The following KMO variants were observed in gnomAD, a reference collection of about 807,000 sequenced individuals.
KMO encodes the protein kynurenine 3-hydroxylase.
A neutral mutation model predicts 57.8 loss-of-function variants in KMO; 24 were observed. The observed-to-expected ratio is 0.42, with a 90% CI of 0.30 to 0.58. The LOEUF (loss-of-function observed/expected upper bound fraction) is 0.58, where lower values mean the gene tolerates loss of function less well. Ranked by LOEUF, KMO falls within the 20% of genes least tolerant of loss-of-function variation. KMO has a pLI of 0.22. For missense variants in KMO, 483 were observed against 588.2 expected (o/e 0.82, Z 1.85); for synonymous variants, 210 against 193.6 (o/e 1.08, Z -0.70).
At chr1:241,583,683 A>T (rs1662848393) in intron 10 of KMO, among the ~76,000 whole-genome samples, 2 of 152,176 alleles carry the variant, frequency 1.3e-5, no homozygotes, top group African/African-American at 4.8e-5. Context: ...TATAATTGTT[A>T]TACTGTATTT....
Position 241,594,680 on chromosome 1 carries a change from G to C in KMO, c.*2527G>C, listed in dbSNP as rs761845844. On this transcript the variant is annotated 3_prime_UTR_variant, in exon 15 of 15. Transcript: ENST00000366559. The stretch of plus-strand genomic sequence containing the variant: ...GTCGGAGGCACAGAAGCTGCAAAAG[G>C]GATCTTCGAAACTGGGCAGAGAAAA... 6 of 1,613,190 alleles carry C rather than the reference G, an allele frequency of 3.7e-6. No individual in the cohort carries two copies. Among genetic ancestry groups the C allele is most frequent in the Non-Finnish European group, 5.1e-6 (6 of 1,179,652 alleles).
At chr1:241,569,240 T>C (rs1163288925) in intron 10 of KMO, among the ~76,000 whole-genome samples, 1 of 152,112 alleles carries the variant, frequency 6.6e-6, no homozygotes, top group Non-Finnish European at 1.5e-5. Context: ...ATTCACCCTA[T>C]TGTGATGCCA....
At chr1:241,589,917 C>A in intron 12 of KMO, 95 bp from the exon 13 acceptor site, 3 of 943,046 alleles carry the variant, frequency 3.2e-6, no homozygotes, top group Admixed American at 1.9e-5. Flanking sequence ...TTGTGTTTGG[C>A]ATTGCGATGA....
At chr1:241,558,070 G>T (rs1163034343) in intron 5 of KMO, among the ~76,000 whole-genome samples, 1 of 152,228 alleles carries the variant, frequency 6.6e-6, no homozygotes, top group African/African-American at 2.4e-5. Context: ...GGCTTAGAGA[G>T]CTTGGATCAC....
chr1:241,547,567 G>C (rs1245784517), intron 1 of KMO, among the ~76,000 whole-genome samples: 2 of 149,746 alleles, frequency 1.3e-5, no homozygotes, highest in African/African-American at 4.9e-5. Flanking sequence ...CTGGGTGACA[G>C]AGCGAGACTC....
chr1:241,543,018 G>T (rs760412403), intron 1 of KMO, among the ~76,000 whole-genome samples: 9 of 151,996 alleles, frequency 5.9e-5, no homozygotes, highest in African/African-American at 9.7e-5. Context: ...TTGAACCTCC[G>T]TTACACAGAA....
At chr1:241,558,785 A>AG (rs1661731705) in intron 5 of KMO, among the ~76,000 whole-genome samples, 2 of 151,604 alleles carry the variant, frequency 1.3e-5, no homozygotes, top group African/African-American at 4.8e-5. Context: ...TTAAAAAAAA[A>AG]AAAAAGCAGC....
intron 1 of KMO, among the ~76,000 whole-genome samples, chr1:241,533,201 C>G (rs1176332240): frequency 6.6e-6 from 1 of 152,224 alleles, no homozygotes; most frequent in Non-Finnish European, 1.5e-5. Context: ...TGCTCCGATT[C>G]AACTTTGCTT....
Position 241,592,935 on chromosome 1 carries a change from G to A in KMO, c.*782G>A, listed in dbSNP as rs2147990447. On this transcript the variant is annotated 3_prime_UTR_variant, in exon 15 of 15. Transcript: ENST00000366559. ...CCCACTTCAGCCTCCCAAATAGCTG[G>A]GGCTACCATGGTATTTTTCAGTAGA... 6.4e-6 allele frequency: 1 copy of A among 155,826 alleles called. No homozygotes were observed. Among genetic ancestry groups the A allele is most frequent in the Non-Finnish European group, 1.4e-5 (1 of 70,254 alleles). The allele number at this position is 155,826 out of a possible 1,614,324, so 9.7% of individuals were successfully genotyped here.
chr1:241,567,337 T>A (rs1036444503), intron 9 of KMO, among the ~76,000 whole-genome samples: 8 of 152,196 alleles, frequency 5.3e-5, no homozygotes, highest in Non-Finnish European at 1.2e-4. Flanking sequence ...ACGCCCCACT[T>A]CTTGGTTCAT....
chr1:241,573,225 G>A (rs1304781562), intron 10 of KMO, among the ~76,000 whole-genome samples: 2 of 152,114 alleles, frequency 1.3e-5, no homozygotes, highest in Non-Finnish European at 2.9e-5. Flanking sequence ...GTGCTCAAGG[G>A]ATCTGCCCAC....
intron 5 of KMO, among the ~76,000 whole-genome samples, chr1:241,558,930 T>C (rs1439089496): frequency 1.3e-5 from 2 of 151,864 alleles, no homozygotes; most frequent in African/African-American, 4.8e-5. Flanking sequence ...CTGGTGAACA[T>C]GGTGAAACCC....
intron 2 of KMO, 49 bp from the exon 3 acceptor site, chr1:241,549,628 G>C: frequency 8.1e-7 from 1 of 1,232,100 alleles, no homozygotes; most frequent in South Asian, 1.3e-5. Context: ...CTCATCCTGA[G>C]CTAGGATATA....
chr1:241,573,353 C>T (rs1374443347), intron 10 of KMO, among the ~76,000 whole-genome samples: 1 of 152,050 alleles, frequency 6.6e-6, no homozygotes, highest in African/African-American at 2.4e-5. Flanking sequence ...TTTGCCTAGG[C>T]CAATGTCCAG....
chr1:241,584,126 C>G (rs1434306434), intron 10 of KMO, among the ~76,000 whole-genome samples: 5 of 152,102 alleles, frequency 3.3e-5, no homozygotes, highest in African/African-American at 1.2e-4. Context: ...CTATCCCTCC[C>G]CCATCCCCCA....
chr1:241,548,789 G>C, intron 1 of KMO, 40 bp from the exon 2 acceptor site: 1 of 1,270,938 alleles, frequency 7.9e-7, no homozygotes, highest in East Asian at 2.4e-5. Context: ...CCCTATATTT[G>C]TGGAATCAGA....
At chr1:241,535,815 T>A in intron 1 of KMO, among the ~76,000 whole-genome samples, 1 of 152,196 alleles carries the variant, frequency 6.6e-6, no homozygotes. Context: ...TTCCAGAAGG[T>A]AACTGCAGGA....
At chr1:241,569,466 G>A (rs1367829396) in intron 10 of KMO, among the ~76,000 whole-genome samples, 1 of 152,040 alleles carries the variant, frequency 6.6e-6, no homozygotes, top group Non-Finnish European at 1.5e-5. Context: ...TTCCATCCAT[G>A]TTGTTGCAAA....
At chr1:241,565,695 G>A (rs376757090) in intron 8 of KMO, among the ~76,000 whole-genome samples, 6 of 151,882 alleles carry the variant, frequency 4.0e-5, no homozygotes, top group Non-Finnish European at 8.8e-5. Context: ...TTGCATTCCA[G>A]CCTGGACAAC....
Sources: allele counts gnomAD v4.1 joint callset (sites outside exome capture counted in the v4.1 genomes callset), GRCh38; gene constraint gnomAD v4.1.1; transcripts MANE v1.5; gene names NCBI Gene and HGNC (gene_info 2026-07-23, HGNC 2026-07-21).